ABCB4: variants seen among roughly 807,000 people sequenced by gnomAD.
The protein encoded by ABCB4 is phosphatidylcholine translocator ABCB4.
A neutral mutation model predicts 145.7 loss-of-function variants in ABCB4; 76 were observed. The observed-to-expected ratio is 0.52, with a 90% CI of 0.43 to 0.63. The LOEUF (loss-of-function observed/expected upper bound fraction) is 0.63, where lower values mean the gene tolerates loss of function less well. ABCB4 is among the 30% of genes least tolerant of loss of function. The pLI, the probability that ABCB4 is intolerant of heterozygous loss-of-function variation, is 0.00. For synonymous variants in ABCB4, 517 were observed against 566.8 expected, an observed-to-expected ratio of 0.91 and a Z score of 1.25; for missense variants, 1,234 against 1,553.1, an observed-to-expected ratio of 0.79 and a Z score of 3.45.
chr7:87,455,707 A>G (rs1323196655), intron 4 of ABCB4, among the ~76,000 whole-genome samples: 1 of 152,254 alleles, frequency 6.6e-6, no homozygotes, highest in East Asian at 1.9e-4. Flanking sequence ...AGCATTGTTG[A>G]GAAAACACAT....
chr7:87,373,614 G>A, the ABCB4 span, among the ~76,000 whole-genome samples: 6 of 152,176 alleles, frequency 3.9e-5, no homozygotes, highest in East Asian at 3.9e-4. Flanking sequence ...GGCAGGAATC[G>A]AAGTAGAGAT....
At chr7:87,432,447 A>G (rs897821358) in intron 14 of ABCB4, among the ~76,000 whole-genome samples, 1 of 152,244 alleles carries the variant, frequency 6.6e-6, no homozygotes, top group Non-Finnish European at 1.5e-5. Context: ...GGCTAGATTC[A>G]TAATAGGCAA....
At chr7:87,452,337 CT>C (rs768008449) in intron 6 of ABCB4, 2 of 169,844 alleles carry the variant, frequency 1.2e-5, no homozygotes, top group Non-Finnish European at 2.5e-5. Context: ...GTCTTGAAGT[CT>C]TTGTGGAGGT....
intron 3 of ABCB4, among the ~76,000 whole-genome samples, chr7:87,466,830 T>G (rs1411588125): frequency 9.2e-5 from 14 of 151,778 alleles, no homozygotes; most frequent in African/African-American, 3.4e-4. Flanking sequence ...AATAAAATAC[T>G]TTACAGACAA....
rs573091849 is a variant in ABCB4 at position 87,408,921 on chromosome 7, C to A, written c.3081+315G>T. On this transcript the variant is annotated intron_variant, in intron 24 of 27. Transcript: ENST00000649586. ...ATAAAAAGTGATTAAAGTCAAATTA[C>A]TAATTGCATTAACATGGCAGAATTA... Among the ~76,000 whole-genome samples, 30 of 152,256 alleles carry A rather than the reference C, an allele frequency of 2.0e-4. No individual in the cohort carries two copies. The South Asian group carries it at 6.2e-3, about 32-fold the overall frequency.
At chr7:87,421,971 CT>C (rs1289155673) in intron 18 of ABCB4, 149 bp downstream of exon 18, 11 of 648,396 alleles carry the variant, frequency 1.7e-5, no homozygotes, top group East Asian at 2.8e-5. Context: ...ACACTTCCCC[CT>C]GATAAGGAGT....
At chr7:87,415,495 T>C (rs1365616294) in intron 21 of ABCB4, among the ~76,000 whole-genome samples, 1 of 152,130 alleles carries the variant, frequency 6.6e-6, no homozygotes, top group African/African-American at 2.4e-5. Flanking sequence ...ATATTTCATA[T>C]TTAATCTTTC....
intron 14 of ABCB4, among the ~76,000 whole-genome samples, chr7:87,433,000 G>A (rs575586071): frequency 6.6e-6 from 1 of 152,114 alleles, no homozygotes; most frequent in South Asian, 2.1e-4. Flanking sequence ...GTAAAACCTA[G>A]GAAAAACCAG....
chr7:87,399,194 G>A (rs1040621977), downstream of ABCB4: 1 of 153,314 alleles, frequency 6.5e-6, no homozygotes, highest in Non-Finnish European at 1.5e-5. Context: ...ACTTTTTTGG[G>A]CTGGGTGCAG....
At chr7:87,395,798 C>T in the ABCB4 span, among the ~76,000 whole-genome samples, 2 of 152,094 alleles carry the variant, frequency 1.3e-5, no homozygotes, top group Admixed American at 1.3e-4. Context: ...TACTTGCCCC[C>T]AGACATGTCT....
chr7:87,414,529 A>C (rs1325266458), intron 21 of ABCB4, among the ~76,000 whole-genome samples: 1 of 152,174 alleles, frequency 6.6e-6, no homozygotes, highest in Non-Finnish European at 1.5e-5. Context: ...CAGTTCTCTG[A>C]TTCTTACAGC....
rs1424051013 is a variant in ABCB4, at chr7:87,403,039, T to C, written c.3633+96A>G. ...ACCACTATCTAACGTTCTGTGTTTT[T>C]CCCCCTGTGCTTGTGTGTGTTTTTT... On this transcript the variant is annotated intron_variant, in intron 27 of 27. Coordinates refer to ENST00000649586, the MANE Select transcript of ABCB4 (RefSeq NM_000443.4). 4.5e-6 allele frequency: 6 copies of C among 1,319,430 alleles called. No individual in the cohort carries two copies. In the African/African-American group the frequency reaches 5.8e-5, roughly 13 times the overall value. 81.7% of individuals were successfully genotyped at this position (1,319,430 alleles called of 1,614,324 possible).
At chr7:87,382,885 G>A in the ABCB4 span, among the ~76,000 whole-genome samples, 1 of 152,138 alleles carries the variant, frequency 6.6e-6, no homozygotes, top group African/African-American at 2.4e-5. Flanking sequence ...AAATTATCCA[G>A]CCTTTACTCA....
chr7:87,460,521 A>C (rs751652849), intron 4 of ABCB4, among the ~76,000 whole-genome samples: 39 of 152,152 alleles, frequency 2.6e-4, no homozygotes, highest in Non-Finnish European at 3.8e-4. Flanking sequence ...GCTCCCACTT[A>C]TAAGTGAGAA....
At chr7:87,389,824 GTTGTTGTTCC>G in the ABCB4 span, among the ~76,000 whole-genome samples, 1 of 71,306 alleles carries the variant, frequency 1.4e-5, no homozygotes, top group Non-Finnish European at 4.5e-5. Context: ...TCCAGTTTTT[GTTGTTGTTCC>G]TAGCATTAAG....
At chr7:87,384,169 A>G in the ABCB4 span, among the ~76,000 whole-genome samples, 1 of 152,056 alleles carries the variant, frequency 6.6e-6, no homozygotes, top group Admixed American at 6.6e-5. Context: ...TTTCCCGATG[A>G]TTAGTGATGT....
At position 87,406,472 on chromosome 7, in the gene ABCB4, T is replaced by G; in HGVS notation, c.3302A>C (p.Lys1101Thr). ...TCTGAGCCACTGGACATTGAGTTTC[T>G]TTGCTTCTTGACCATCGAGAAGCTG... ...GTVLLDGQEA[K>T]KLNVQWLRAQ... The change falls in exon 26 of 28, where the codon AAG (lysine) becomes ACG (threonine). Residue 1101 changes from lysine to threonine, a missense_variant. By Grantham distance (78) the Lys-to-Thr change is moderately conservative. This residue lies in a region of ABCB4 where 301 missense variants were observed against 389.0 expected (regional missense o/e 0.77). Coordinates refer to ENST00000649586, the MANE Select transcript of ABCB4 (RefSeq NM_000443.4). 6.2e-7 allele frequency: 1 copy of G among 1,613,970 alleles called. No homozygotes were observed. Among genetic ancestry groups the G allele is most frequent in the Non-Finnish European group, 8.5e-7 (1 of 1,179,996 alleles).
intron 1 of ABCB4, 75 bp downstream of exon 1, chr7:87,475,559 G>T: frequency 7.5e-7 from 1 of 1,338,490 alleles, no homozygotes; most frequent in Non-Finnish European, 1.1e-6. Flanking sequence ...ACTGGGTGGA[G>T]GTCCGGCCAC....
At chr7:87,368,743 G>A in the ABCB4 span, among the ~76,000 whole-genome samples, 7 of 152,120 alleles carry the variant, frequency 4.6e-5, 1 homozygote, top group Admixed American at 4.6e-4. Flanking sequence ...CTTGGCAAAA[G>A]GACAAGTACC....
Sources: allele counts gnomAD v4.1 joint callset (sites outside exome capture counted in the v4.1 genomes callset), GRCh38; gene constraint gnomAD v4.1.1; regional missense constraint gnomAD v4.1.1; transcripts MANE v1.5; gene names NCBI Gene and HGNC (gene_info 2026-07-23, HGNC 2026-07-21).